The following EEF2KMT variants were observed in gnomAD, a reference collection of about 807,000 sequenced individuals.
EEF2KMT encodes the protein eukaryotic elongation factor 2 lysine methyltransferase.
A neutral mutation model predicts 35.1 loss-of-function variants in EEF2KMT; 30 were observed. The ratio of observed to expected loss-of-function variants is 0.85; its 90% CI spans 0.64 to 1.16. EEF2KMT has a LOEUF of 1.16. EEF2KMT is among the 50% of genes most tolerant of loss of function. The pLI is 0.00. For missense variants in EEF2KMT, 499 were observed against 438.2 expected, an observed-to-expected ratio of 1.14 and a Z score of -1.24; for synonymous variants, 190 against 187.7, an observed-to-expected ratio of 1.01 and a Z score of -0.10.
intron 1 of EEF2KMT, 114 bp from the exon 2 acceptor site, chr16:5,095,628 G>T: frequency 6.5e-7 from 1 of 1,527,766 alleles, no homozygotes; most frequent in African/African-American, 1.4e-5. Flanking sequence ...CGTGGAGCCA[G>T]TTGGAAGTGG....
At position 5,085,095 on chromosome 16, in the gene EEF2KMT, T is replaced by G; in HGVS notation, c.*537A>C. The G allele has an allele frequency of 1.2e-6, 1 of 828,036 alleles. No individual in the cohort carries two copies. Among genetic ancestry groups the G allele is most frequent in the Non-Finnish European group, 1.9e-6 (1 of 535,152 alleles). The allele number at this position is 828,036 out of a possible 1,614,324, so 51.3% of individuals were successfully genotyped here. ...TCTGGAGGCTTGGAAACGCTTCCTCTCTTCTTCTGTTCTTCACGCCCCATG... is the reference window on the plus strand; with the variant it reads ...TCTGGAGGCTTGGAAACGCTTCCTCGCTTCTTCTGTTCTTCACGCCCCATG... On this transcript the variant is annotated 3_prime_UTR_variant, in exon 8 of 8. Coordinates refer to ENST00000427587, the MANE Select transcript of EEF2KMT (RefSeq NM_201400.4).
chr16:5,097,235 G>GGACA (rs1567183297), intron 1 of EEF2KMT: 1 of 1,240,358 alleles, frequency 8.1e-7, no homozygotes. Flanking sequence ...GAGGCACGAG[G>GGACA]GACAGCCTGT....
intron 2 of EEF2KMT, among the ~76,000 whole-genome samples, chr16:5,094,111 C>A (rs1356697993): frequency 6.6e-6 from 1 of 152,184 alleles, no homozygotes; most frequent in African/African-American, 2.4e-5. Context: ...GGCAGAGGGA[C>A]TGGTGCAGCA....
intron 1 of EEF2KMT, among the ~76,000 whole-genome samples, chr16:5,095,865 C>G (rs560928733): frequency 8.6e-6 from 1 of 116,898 alleles, no homozygotes; most frequent in Admixed American, 9.3e-5. Flanking sequence ...TGTGCCCATA[C>G]CAGCCTGAGT....
At chr16:5,097,179 G>A (rs569673123) in intron 1 of EEF2KMT, 2 of 753,318 alleles carry the variant, frequency 2.7e-6, no homozygotes, top group South Asian at 2.0e-5. Flanking sequence ...CAGCCTCAGA[G>A]CATGAGCCGA....
At chr16:5,088,182 T>C (rs557991439) in intron 7 of EEF2KMT, among the ~76,000 whole-genome samples, 1 of 152,270 alleles carries the variant, frequency 6.6e-6, no homozygotes, top group Non-Finnish European at 1.5e-5. Flanking sequence ...GGTCAAGTAG[T>C]CCTCTTGCCT....
rs757695499 is a variant in EEF2KMT, at chr16:5,090,603, C to T, written c.343-38G>A. 3.1e-6 allele frequency: 5 copies of T among 1,611,296 alleles called. No individual in the cohort carries two copies. The highest frequency in any genetic ancestry group is 1.1e-5 in the South Asian group (1 of 90,962). On this transcript the variant is annotated intron_variant, in intron 4 of 7. Transcript: ENST00000427587. This position sits in a 1 kb window ranked among gnomAD's most constrained non-coding sequence, Gnocchi z 4.1. ...AAGGCGAGAGAGTCAGTCCAGCGAT[C>T]AGAAGGCAAGTGGCTTAGAAGACAA... is the stretch of plus-strand genomic sequence containing the variant.
Position 5,089,097 on chromosome 16 carries a change from G to A in EEF2KMT, c.892+10C>T, listed in dbSNP as rs1417942192. On this transcript the variant is annotated intron_variant, in intron 7 of 7. Coordinates refer to ENST00000427587, the MANE Select transcript of EEF2KMT (RefSeq NM_201400.4). ...GGACCATGCAGGCCCGGGTGGGCGT[G>A]GAGGCTCACCTAGCTCGGTGGTGAA... The A allele has an allele frequency of 3.7e-6, 6 of 1,612,410 alleles. No individual in the cohort carries two copies. Among genetic ancestry groups the A allele is most frequent in the Non-Finnish European group, 5.1e-6 (6 of 1,179,830 alleles).
At chr16:5,095,594 C>T (rs1211022623) in intron 1 of EEF2KMT, 80 bp from the exon 2 acceptor site, 18 of 1,599,584 alleles carry the variant, frequency 1.1e-5, no homozygotes, top group East Asian at 4.5e-5. Flanking sequence ...GTTGGCAAAG[C>T]GCTGTGTGAT....
rs766788154 is a variant in EEF2KMT, at chr16:5,090,219, G to A, written c.607C>T (p.Leu203Phe). The change falls in exon 6 of 8, where the codon CTC becomes TTC. Residue 203 changes from leucine (L) to phenylalanine (F), a missense_variant. Leu to Phe is a conservative substitution (Grantham distance 22). Transcript: ENST00000427587. The surrounding 1 kb of genome is among the most constrained non-coding windows in gnomAD (Gnocchi z 4.1). The part of the protein sequence containing the change: ...VLEQLRGNVL[L>F]NGLSLEADIT... ...TCTGCCTCTAATGAGAGGCCATTGA[G>A]AAGGACATTCCCTCGGAGCTGCTCA... 10 of 1,611,914 alleles carry A rather than the reference G, an allele frequency of 6.2e-6. No individual in the cohort carries two copies. Among genetic ancestry groups the A allele is most frequent in the Non-Finnish European group, 8.5e-6 (10 of 1,179,864 alleles).
In EEF2KMT at chr16:5,090,211, G is replaced by A. The variant is rs201077708; in HGVS notation, c.615C>T (p.Gly205=). Residue 205 remains glycine, a synonymous_variant, in exon 6 of 8, where the codon GGC becomes GGT. Transcript: ENST00000427587. The surrounding 1 kb of genome is among the most constrained non-coding windows in gnomAD (Gnocchi z 4.1). The stretch of plus-strand genomic sequence containing the variant: ...CAGTGATGTCTGCCTCTAATGAGAG[G>A]CCATTGAGAAGGACATTCCCTCGGA... ...EQLRGNVLLN[G]LSLEADITAK... is the part of the protein sequence containing the mutation. The A allele has an allele frequency of 3.6e-5, 58 of 1,611,882 alleles. No homozygotes were observed. Among genetic ancestry groups the A allele is most frequent in the Admixed American group, 1.7e-4 (10 of 60,004 alleles).
rs574105732 is a variant in EEF2KMT at position 5,088,959 on chromosome 16, G to T, written c.892+148C>A. The stretch of plus-strand genomic sequence containing the variant: ...GCCCCCCACGCCCCAAGCCCACCCT[G>T]CTCACTGGCCTCTGCCTGAGTTCCC... On this transcript the variant is annotated intron_variant, in intron 7 of 7. Coordinates refer to ENST00000427587, the MANE Select transcript of EEF2KMT (RefSeq NM_201400.4). 319 of 1,545,332 alleles carry T rather than the reference G, an allele frequency of 2.1e-4. 4 individuals are homozygous for T. In the South Asian group the frequency reaches 3.5e-3, roughly 17 times the overall value.
Position 5,091,726 on chromosome 16 carries a change from C to A in EEF2KMT, c.342+68G>T, listed in dbSNP as rs1054763620. ...GAGTCAGGATTTGAACCCACACCCA[C>A]GTTTTCACTTTGTCTGTGCAGGAAG... On this transcript the variant is annotated intron_variant, in intron 4 of 7. Coordinates refer to ENST00000427587, the MANE Select transcript of EEF2KMT (RefSeq NM_201400.4). The A allele has an allele frequency of 5.6e-6, 9 of 1,600,096 alleles. No homozygotes were observed. The South Asian group carries it at 1.0e-4, about 18-fold the overall frequency.
chr16:5,096,596 A>C (rs1023785303), intron 1 of EEF2KMT, among the ~76,000 whole-genome samples: 1 of 152,246 alleles, frequency 6.6e-6, no homozygotes, highest in African/African-American at 2.4e-5. Context: ...AAAACAGCAC[A>C]GAGAGATGCA....
chr16:5,097,199 G>T (rs532471701), intron 1 of EEF2KMT: 2 of 965,634 alleles, frequency 2.1e-6, no homozygotes, highest in African/African-American at 3.5e-5. Context: ...ATTCTGTGCA[G>T]TGCTCAACAT....
At position 5,093,471 on chromosome 16, in the gene EEF2KMT, G is replaced by C; in HGVS notation, c.240+13C>G. On this transcript the variant is annotated intron_variant, in intron 3 of 7. Coordinates refer to ENST00000427587, the MANE Select transcript of EEF2KMT (RefSeq NM_201400.4). ...GCTGTCCGGCTACTGGGCGGACACTGCCCATAACTGACCTTTTTGATGAGT... is the reference window on the plus strand; with the variant it reads ...GCTGTCCGGCTACTGGGCGGACACTCCCCATAACTGACCTTTTTGATGAGT... 1 of 1,612,014 alleles carries C rather than the reference G, an allele frequency of 6.2e-7. No individual in the cohort carries two copies. The highest frequency in any genetic ancestry group is 8.5e-7 in the Non-Finnish European group (1 of 1,179,840).
chr16:5,091,580 T>C (rs1957341164), intron 4 of EEF2KMT, among the ~76,000 whole-genome samples: 1 of 152,226 alleles, frequency 6.6e-6, no homozygotes, highest in Admixed American at 6.5e-5. Flanking sequence ...TGTCACCTAT[T>C]GGATAAGTGC....
At chr16:5,097,581 C>A in intron 1 of EEF2KMT, 63 bp downstream of exon 1, 1 of 1,528,312 alleles carries the variant, frequency 6.5e-7, no homozygotes, top group Non-Finnish European at 8.7e-7. Context: ...CACGGAGACC[C>A]GTCCCGTCTG....
chr16:5,091,824 C>T lies in EEF2KMT; in HGVS notation c.312G>A (p.Glu104=). The T allele has an allele frequency of 6.2e-7, 1 of 1,611,874 alleles. No homozygotes were observed. The highest frequency in any genetic ancestry group is 8.5e-7 in the Non-Finnish European group (1 of 1,179,780). Reference sequence around the variant, plus strand: ...AATAGCTCCGGTGGCCCTGGGTGGACTCCTTGGCCATCAGGGTCTCCGCCA... The same window carrying T: ...AATAGCTCCGGTGGCCCTGGGTGGATTCCTTGGCCATCAGGGTCTCCGCCA... The part of the protein sequence containing the change: ...EALAETLMAK[E]STQGHRSYLL... The change falls in exon 4 of 8, where the codon GAG becomes GAA. Residue 104 remains glutamate (E), a synonymous_variant. Coordinates refer to ENST00000427587, the MANE Select transcript of EEF2KMT (RefSeq NM_201400.4).
Sources: allele counts gnomAD v4.1 joint callset (sites outside exome capture counted in the v4.1 genomes callset), GRCh38; gene constraint gnomAD v4.1.1; non-coding constraint Gnocchi (gnomAD v3.1); transcripts MANE v1.5; gene names NCBI Gene and HGNC (gene_info 2026-07-23, HGNC 2026-07-21).